The following FN1 variants were observed in gnomAD, a reference collection of about 807,000 sequenced individuals.
The protein encoded by FN1 is fibronectin.
A neutral mutation model predicts 297.3 loss-of-function variants in FN1; 106 were observed. The observed-to-expected ratio is 0.36, with a 90% CI of 0.30 to 0.42. The LOEUF (loss-of-function observed/expected upper bound fraction) is 0.42, where lower values mean the gene tolerates loss of function less well. Among genes scored for constraint, FN1 ranks in the 10% least tolerant of loss-of-function variants. The pLI is 1.00. For synonymous variants in FN1, 1,149 were observed against 1,152.6 expected, an observed-to-expected ratio of 1.00 and a Z score of 0.06; for missense variants, 2,690 against 3,124.9, an observed-to-expected ratio of 0.86 and a Z score of 3.32.
In FN1 at chr2:215,408,286, G is replaced by T. The variant is rs763500794; in HGVS notation, c.2428+12C>A. 1 of 1,614,072 alleles carries T rather than the reference G, an allele frequency of 6.2e-7. No homozygotes were observed. Among genetic ancestry groups the T allele is most frequent in the Non-Finnish European group, 8.5e-7 (1 of 1,179,922 alleles). On this transcript the variant is annotated intron_variant, in intron 16 of 45. Coordinates refer to ENST00000354785, the MANE Select transcript of FN1 (RefSeq NM_212482.4). ...AAAAAGATTCTTTTAACACTATGTA[G>T]CACACATGTACCTGTTGTTTGTGAA...
intron 22 of FN1, among the ~76,000 whole-genome samples, 171 bp from the exon 23 acceptor site, chr2:215,397,394 CAA>C (rs2106147518): frequency 7.8e-6 from 1 of 127,558 alleles, no homozygotes; most frequent in South Asian, 2.8e-4. Flanking sequence ...AATTCTCTGA[CAA>C]AGACTTCTTT....
chr2:215,373,268 T>C lies in FN1; in HGVS notation c.6247+54A>G. On this transcript the variant is annotated intron_variant, in intron 39 of 45. Coordinates refer to ENST00000354785, the MANE Select transcript of FN1 (RefSeq NM_212482.4). ...CCTTTTCATATTGCAAGATTGCTCATTTGTTATTAGTTTTGTCCTATCTTT... is the reference window on the plus strand; with the variant it reads ...CCTTTTCATATTGCAAGATTGCTCACTTGTTATTAGTTTTGTCCTATCTTT... 3 of 1,370,562 alleles carry C rather than the reference T, an allele frequency of 2.2e-6. No individual in the cohort carries two copies. The South Asian group carries it at 3.5e-5, about 16-fold the overall frequency. The allele number at this position is 1,370,562 out of a possible 1,614,324, so 84.9% of individuals were successfully genotyped here.
At chr2:215,378,400 C>A in intron 34 of FN1, 138 bp from the exon 35 acceptor site, 1 of 692,364 alleles carries the variant, frequency 1.4e-6, no homozygotes, top group Non-Finnish European at 2.6e-6. Context: ...CTTGAAAATT[C>A]CTAGATTAAT....
rs1158255590 is a variant in FN1, at chr2:215,401,253, A to AGGAAGGAAGGAAGGAAGGAAG, written c.3254-1903_3254-1902insCTTCCTTCCTTCCTTCCTTCC. ...AAGAAAGAAAGAAAGAAAGAAAGGA[A>AGGAAGGAAGGAAGGAAGGAAG]GAAAGAAAGGAAGGAAAGGAAAGGA... is the stretch of plus-strand genomic sequence containing the variant. On this transcript the variant is annotated intron_variant, in intron 20 of 45. Transcript: ENST00000354785. Among the ~76,000 whole-genome samples, 208 of 24,258 alleles carry AGGAAGGAAGGAAGGAAGGAAG rather than the reference A, an allele frequency of 8.6e-3. 3 individuals carry two copies. The highest frequency in any genetic ancestry group is 0.023 in the Middle Eastern group (1 of 44). The allele number at this position is 24,258 out of a possible 152,430, so 15.9% of individuals were successfully genotyped here. A position where few individuals can be genotyped will look rare whatever the true frequency, so the allele number is the denominator to read the frequency against.
rs1235654539 is a variant in FN1, at chr2:215,379,323, G to A, written c.5435-6C>T. ...GTCAGTTGGTGCAGGAATAGCTGTC[G>A]AGATTGTCATTGGTTAGAGGTTATC... On this transcript the variant is annotated splice_polypyrimidine_tract_variant and splice_region_variant and intron_variant, in intron 33 of 45. Transcript: ENST00000354785. 1.2e-5 allele frequency: 19 copies of A among 1,613,406 alleles called. No individual in the cohort carries two copies. The highest frequency in any genetic ancestry group is 1.7e-5 in the Admixed American group (1 of 59,984).
At chr2:215,386,563 G>C (rs944460249) in intron 28 of FN1, 126 bp downstream of exon 28, 5 of 735,614 alleles carry the variant, frequency 6.8e-6, no homozygotes, top group South Asian at 3.6e-5. Context: ...CCATGACAAT[G>C]ATCTATTTTT....
chr2:215,401,239 A>AAGGAAGGAAGGAAGGAAGGAAGGAAGG (rs1559475259), intron 20 of FN1, among the ~76,000 whole-genome samples: 9 of 65,672 alleles, frequency 1.4e-4, no homozygotes, highest in African/African-American at 4.6e-4. Context: ...AGAAAGAAAG[A>AAGGAAGGAAGGAAGGAAGGAAGGAAGG]AAGAAAGAAA....
chr2:215,412,760 C>CTGTTTTTTT (rs2062844766), intron 13 of FN1, among the ~76,000 whole-genome samples: 1 of 97,570 alleles, frequency 1.0e-5, no homozygotes, highest in Non-Finnish European at 2.0e-5. Context: ...TATTAAGTAT[C>CTGTTTTTTT]TTTTTTTTTT....
chr2:215,401,335 G>A lies in FN1; in HGVS notation c.3254-1984C>T, dbSNP rs140894914. 7.3e-5 allele frequency among the ~76,000 whole-genome samples: 11 copies of A among 150,886 alleles called. No homozygotes were observed. In the East Asian group the frequency reaches 2.1e-3, roughly 29 times the overall value. ...AAGGAAGGAAAGAGAAAGAAAGAAA[G>A]GGAAAGGAAAGGAAAGAAAAAGAAA... On this transcript the variant is annotated intron_variant, in intron 20 of 45. Transcript: ENST00000354785.
At chr2:215,367,803 G>A (rs2054936194) in intron 42 of FN1, 60 bp downstream of exon 42, 1 of 1,537,436 alleles carries the variant, frequency 6.5e-7, no homozygotes, top group Non-Finnish European at 9.0e-7. Flanking sequence ...TGGCACATGA[G>A]TGCATGCATG....
intron 44 of FN1, 96 bp downstream of exon 44, chr2:215,364,783 A>G: frequency 1.2e-6 from 1 of 802,396 alleles, no homozygotes; most frequent in Admixed American, 2.0e-5. Flanking sequence ...ATACTTCCGA[A>G]GGGTCTCTGC....
chr2:215,383,637 G>T (rs2058510714), intron 30 of FN1, among the ~76,000 whole-genome samples, 154 bp from the exon 31 acceptor site: 1 of 152,172 alleles, frequency 6.6e-6, no homozygotes, highest in Non-Finnish European at 1.5e-5. Context: ...CTTTTAGAGG[G>T]ATGGGGCAGG....
intron 20 of FN1, among the ~76,000 whole-genome samples, chr2:215,401,238 G>GAA (rs1553629582): frequency 1.8e-5 from 1 of 55,090 alleles, no homozygotes; most frequent in African/African-American, 8.7e-5. Flanking sequence ...AAGAAAGAAA[G>GAA]AAAGAAAGAA....
Position 215,365,801 on chromosome 2 carries a change from TTTTTA to T in FN1, c.7019-176_7019-172del. ...CCATTTATTTTATTTATTTATTTAC[TTTTTA>T]TTTTTTTTTTTTTTTTTGAGACAAA... On this transcript the variant is annotated intron_variant, in intron 42 of 45. Coordinates refer to ENST00000354785, the MANE Select transcript of FN1 (RefSeq NM_212482.4). 1.8e-5 allele frequency: 5 copies of T among 278,912 alleles called. No individual in the cohort carries two copies. The South Asian group carries it at 3.6e-4, about 20-fold the overall frequency. The allele number at this position is 278,912 out of a possible 1,614,324, so 17.3% of individuals were successfully genotyped here.
intron 28 of FN1, 110 bp downstream of exon 28, chr2:215,386,568 ATTTTTTTTTTT>A (rs5838504): frequency 4.2e-4 from 143 of 337,094 alleles, no homozygotes; most frequent in Non-Finnish European, 5.6e-4. Flanking sequence ...ACAATGATCT[ATTTTTTTTTTT>A]TTTTTTTTTT....
intron 43 of FN1, among the ~76,000 whole-genome samples, chr2:215,365,281 A>C (rs2054300930): frequency 6.6e-6 from 1 of 152,212 alleles, no homozygotes. Flanking sequence ...TAATGGTCAA[A>C]ATACTCAGGT....
In FN1 at chr2:215,371,952, A is replaced by C; in HGVS notation, c.6671T>G (p.Ile2224Ser). Residue 2224 changes from isoleucine (I) to serine (S), a missense_variant, in exon 40 of 46, where the codon ATC becomes AGC. Physicochemically the swap from Ile to Ser is moderately radical, Grantham distance 142. Around this residue, in one of 3 missense-constraint regions of FN1, gnomAD observed 1,743 missense variants for 1,945.2 expected, o/e 0.90. Coordinates refer to ENST00000354785, the MANE Select transcript of FN1 (RefSeq NM_212482.4). ...WAPFQDTSEY[I>S]ISCHPVGTDE... ...AGTGCCAACAGGATGACATGAAATG[A>C]TGTACTCAGAAGTGTCCTGGAATGG... 1 of 1,614,216 alleles carries C rather than the reference A, an allele frequency of 6.2e-7. No individual in the cohort carries two copies. The highest frequency in any genetic ancestry group is 8.5e-7 in the Non-Finnish European group (1 of 1,180,030).
At chr2:215,425,716 C>A (rs367666401) in intron 6 of FN1, among the ~76,000 whole-genome samples, 3 of 151,988 alleles carry the variant, frequency 2.0e-5, no homozygotes, top group South Asian at 2.1e-4. Flanking sequence ...CCATGCCCAG[C>A]TGATTTTTTT....
intron 13 of FN1, 59 bp downstream of exon 13, chr2:215,414,778 C>A (rs1179005589): frequency 2.0e-5 from 32 of 1,607,176 alleles, no homozygotes; most frequent in Non-Finnish European, 2.6e-5. Flanking sequence ...AAAAAGAAAC[C>A]ATCAGAATTG....
Sources: allele counts gnomAD v4.1 joint callset (sites outside exome capture counted in the v4.1 genomes callset), GRCh38; gene constraint gnomAD v4.1.1; regional missense constraint gnomAD v4.1.1; transcripts MANE v1.5; gene names NCBI Gene and HGNC (gene_info 2026-07-23, HGNC 2026-07-21).